HLCS: variants seen among roughly 807,000 people sequenced by gnomAD.
HLCS encodes the protein biotin--protein ligase.
Under a neutral mutation model 75.0 loss-of-function variants are expected in HLCS, and 53 were observed. The ratio of observed to expected loss-of-function variants is 0.71; its 90% CI spans 0.57 to 0.89. The LOEUF (loss-of-function observed/expected upper bound fraction) is 0.89, where lower values mean the gene tolerates loss of function less well. Ranked by LOEUF, HLCS falls within the 40% of genes least tolerant of loss-of-function variation. The pLI is 0.00. For synonymous variants in HLCS, 431 were observed against 428.6 expected, an observed-to-expected ratio of 1.01 and a Z score of -0.07; for missense variants, 966 against 1,074.0, an observed-to-expected ratio of 0.90 and a Z score of 1.41.
chr21:36,794,399 T>C (rs1056763127), intron 6 of HLCS, among the ~76,000 whole-genome samples: 3 of 152,200 alleles, frequency 2.0e-5, no homozygotes, highest in Non-Finnish European at 4.4e-5. Flanking sequence ...AGAAAGAAGA[T>C]AGTGAGAGCA....
rs142836157 is a variant in HLCS at position 36,851,290 on chromosome 21, A to G, written c.1892+45570T>C. ...CTGGGAGCAACCTAAGCGTCCATCA[A>G]CAGATGACTGGACAAAGAAAACGTG... On this transcript the variant is annotated intron_variant, in intron 6 of 10. Coordinates refer to ENST00000674895, the MANE Select transcript of HLCS (RefSeq NM_001352514.2). Among the ~76,000 whole-genome samples the G allele has an allele frequency of 7.2e-4, 110 of 152,354 alleles. 1 individual carries two copies. The highest frequency in any genetic ancestry group is 2.5e-3 in the African/African-American group (104 of 41,586).
At chr21:36,985,407 C>T (rs1306872370) in intron 1 of HLCS, among the ~76,000 whole-genome samples, 15 of 152,150 alleles carry the variant, frequency 9.9e-5, no homozygotes, top group Admixed American at 8.5e-4. Flanking sequence ...CCAAGGCGGG[C>T]GGATCACTTG....
intron 2 of HLCS, among the ~76,000 whole-genome samples, chr21:36,939,455 C>T (rs917210021): frequency 2.0e-5 from 3 of 152,142 alleles, no homozygotes; most frequent in Non-Finnish European, 1.5e-5. Context: ...TTCAGAGTCC[C>T]GAGCACAACT....
In HLCS at chr21:36,750,314, G is replaced by A. The variant is rs1481645301; in HGVS notation, c.*3932C>T. Among the ~76,000 whole-genome samples, 1 of 152,250 alleles carries A rather than the reference G, an allele frequency of 6.6e-6. No individual in the cohort carries two copies. Among genetic ancestry groups the A allele is most frequent in the Non-Finnish European group, 1.5e-5 (1 of 68,044 alleles). On this transcript the variant is annotated 3_prime_UTR_variant, in exon 11 of 11. Transcript: ENST00000674895. ...ATTTGAGAAATAAGCCCAATTCAAG[G>A]CTGGCTCAGCCCTCCACGGGGCCTC...
chr21:36,825,577 A>G (rs2061981843), intron 6 of HLCS, among the ~76,000 whole-genome samples: 1 of 152,150 alleles, frequency 6.6e-6, no homozygotes, highest in South Asian at 2.1e-4. Flanking sequence ...TTCCATTAAA[A>G]TGCAGGAGGT....
Position 36,924,706 on chromosome 21 carries a change from G to T in HLCS, c.1620+5545C>A, listed in dbSNP as rs79681988. 6.0e-3 allele frequency among the ~76,000 whole-genome samples: 920 copies of T among 152,302 alleles called. 8 individuals carry two copies. Among genetic ancestry groups the T allele is most frequent in the African/African-American group, 0.021 (879 of 41,564 alleles). ...AGACCCAAATGAGATGGCGACACAG[G>T]TAAAAAAGCTTGGTTAACTAGAACG... On this transcript the variant is annotated intron_variant, in intron 5 of 10. Transcript: ENST00000674895.
At chr21:36,834,498 C>T (rs2062335296) in intron 6 of HLCS, among the ~76,000 whole-genome samples, 1 of 152,214 alleles carries the variant, frequency 6.6e-6, no homozygotes, top group Non-Finnish European at 1.5e-5. Context: ...GAGCCTGACA[C>T]TGTCTGGCTG....
At chr21:36,823,457 G>A (rs2061906235) in intron 6 of HLCS, among the ~76,000 whole-genome samples, 1 of 152,134 alleles carries the variant, frequency 6.6e-6, no homozygotes, top group South Asian at 2.1e-4. Flanking sequence ...ATCATTCCTT[G>A]CAAACTAGAA....
intron 6 of HLCS, among the ~76,000 whole-genome samples, chr21:36,868,850 A>G (rs960753295): frequency 6.6e-6 from 1 of 151,962 alleles, no homozygotes; most frequent in Admixed American, 6.6e-5. Context: ...AAGTCCATCC[A>G]CCCTAGTCTG....
intron 6 of HLCS, among the ~76,000 whole-genome samples, chr21:36,836,463 TC>T (rs1313865081): frequency 1.7e-5 from 1 of 59,886 alleles, no homozygotes; most frequent in Non-Finnish European, 3.0e-5. Flanking sequence ...CCCTCCCCCC[TC>T]CCCCCACCCC....
intron 2 of HLCS, among the ~76,000 whole-genome samples, chr21:36,957,786 G>A (rs2068042936): frequency 2.0e-5 from 3 of 151,320 alleles, no homozygotes; most frequent in Admixed American, 2.0e-4. Flanking sequence ...AAAATTACCT[G>A]GGCGTTGTGG....
intron 6 of HLCS, among the ~76,000 whole-genome samples, chr21:36,868,295 A>AAAGAAAGAAAG (rs1569122668): frequency 1.9e-5 from 2 of 103,744 alleles, no homozygotes; most frequent in African/African-American, 9.7e-5. Context: ...AAGAAAGAAA[A>AAAGAAAGAAAG]AGAAAAACAG....
At chr21:36,801,088 C>T (rs917783717) in intron 6 of HLCS, among the ~76,000 whole-genome samples, 1 of 152,160 alleles carries the variant, frequency 6.6e-6, no homozygotes, top group Non-Finnish European at 1.5e-5. Context: ...TGACATGGGA[C>T]ATGCCGGAAA....
chr21:36,881,472 G>A (rs1021070287), intron 6 of HLCS, among the ~76,000 whole-genome samples: 1 of 152,308 alleles, frequency 6.6e-6, no homozygotes, highest in Non-Finnish European at 1.5e-5. Context: ...TGGGAAGCAC[G>A]GAATGAAGCC....
intron 5 of HLCS, among the ~76,000 whole-genome samples, chr21:36,905,724 G>C (rs546630570): frequency 6.6e-6 from 1 of 152,158 alleles, no homozygotes; most frequent in East Asian, 1.9e-4. Flanking sequence ...GAACTAATAA[G>C]TGAGTTTAGC....
intron 7 of HLCS, among the ~76,000 whole-genome samples, chr21:36,766,700 G>A (rs530491677): frequency 9.3e-4 from 141 of 152,132 alleles, no homozygotes; most frequent in African/African-American, 2.9e-3. Context: ...TCTCGTCTCC[G>A]GGATCTGCAG....
rs2063753226 is a variant in HLCS, at chr21:36,871,083, G to A, written c.1892+25777C>T. ...ACAGCAACCCTGAGACCGGCCGTGT[G>A]CCCAGCAGGGAGCCTCGTATTCCGC... On this transcript the variant is annotated intron_variant, in intron 6 of 10. Transcript: ENST00000674895. 4.6e-5 allele frequency among the ~76,000 whole-genome samples: 7 copies of A among 152,184 alleles called. No homozygotes were observed. The South Asian group carries it at 1.5e-3, about 32-fold the overall frequency.
At chr21:36,758,827 A>AC (rs2089707613) in intron 9 of HLCS, among the ~76,000 whole-genome samples, 1 of 152,052 alleles carries the variant, frequency 6.6e-6, no homozygotes, top group Non-Finnish European at 1.5e-5. Context: ...CTAAAAATAC[A>AC]AAAAAATTAG....
Position 36,752,800 on chromosome 21 carries a change from T to C in HLCS, c.*1446A>G, listed in dbSNP as rs941536736. The C allele has an allele frequency of 1.3e-5, 2 of 152,260 alleles. No homozygotes were observed. The highest frequency in any genetic ancestry group is 6.5e-5 in the Admixed American group (1 of 15,288). The allele number at this position is 152,260 out of a possible 1,614,324, so 9.4% of individuals were successfully genotyped here. On this transcript the variant is annotated 3_prime_UTR_variant, in exon 11 of 11. Transcript: ENST00000674895. ...TGCCTGGCTAAAGGTAGACAGACTA[T>C]ACTAAAAACCACAAGTTTCTGGAAT...
Sources: gnomAD v4.1 joint callset for allele counts (sites outside exome capture counted in the v4.1 genomes callset) on GRCh38, gnomAD v4.1.1 for gene constraint, MANE v1.5 for transcripts, NCBI Gene and HGNC (gene_info 2026-07-23, HGNC 2026-07-21) for gene names.